Variants in CCDC33 observed in about 807,000 individuals in gnomAD.
CCDC33 encodes coiled-coil domain containing 33.
CCDC33 carries 94 observed loss-of-function variants against 91.9 expected under a neutral mutation model. The ratio of observed to expected loss-of-function variants is 1.02; its 90% CI spans 0.87 to 1.21. The LOEUF (loss-of-function observed/expected upper bound fraction) is 1.21, where lower values mean the gene tolerates loss of function less well. CCDC33 is among the 50% of genes most tolerant of loss of function. The pLI, the probability that CCDC33 is intolerant of heterozygous loss-of-function variation, is 0.00. For synonymous variants in CCDC33, 396 were observed against 374.5 expected (o/e 1.06, Z -0.66); for missense variants, 940 against 935.5 (o/e 1.00, Z -0.06).
chr15:74,245,927 G>A (rs2142283146), intron 2 of CCDC33, among the ~76,000 whole-genome samples: 1 of 152,306 alleles, frequency 6.6e-6, no homozygotes, highest in Admixed American at 6.5e-5. Flanking sequence ...GGAGAAGGAA[G>A]GGCTTCTGAG....
chr15:74,213,744 C>G (rs962152659), upstream of CCDC33, among the ~76,000 whole-genome samples: 41 of 152,154 alleles, frequency 2.7e-4, no homozygotes, highest in African/African-American at 9.4e-4. Flanking sequence ...GCCTCTGGCA[C>G]TGTGGACTTG....
intron 2 of CCDC33, among the ~76,000 whole-genome samples, chr15:74,224,089 C>G (rs1368365284): frequency 6.6e-6 from 1 of 152,212 alleles, no homozygotes; most frequent in Non-Finnish European, 1.5e-5. Flanking sequence ...TCATGGCGTT[C>G]TCAGAGAATG....
At chr15:74,234,993 G>A (rs1398546828), upstream of CCDC33, among the ~76,000 whole-genome samples, 1 of 152,238 alleles carries the variant, frequency 6.6e-6, no homozygotes, top group East Asian at 1.9e-4. Context: ...CCTAGACTAA[G>A]CAGGCCTGAG....
chr15:74,215,350 A>G (rs1385742249), upstream of CCDC33, among the ~76,000 whole-genome samples: 1 of 152,244 alleles, frequency 6.6e-6, no homozygotes, highest in African/African-American at 2.4e-5. Context: ...GACGGAAAGT[A>G]GAATGGTGGT....
At chr15:74,277,351 G>A (rs796526844) in intron 7 of CCDC33, among the ~76,000 whole-genome samples, 28 of 152,352 alleles carry the variant, frequency 1.8e-4, no homozygotes, top group African/African-American at 6.7e-4. Flanking sequence ...CGGCCACTAT[G>A]CCTGGGCAGA....
intron 2 of CCDC33, among the ~76,000 whole-genome samples, chr15:74,222,461 A>G (rs1054287444): frequency 1.3e-5 from 2 of 151,496 alleles, no homozygotes; most frequent in African/African-American, 4.9e-5. Context: ...GTTTTGTTTC[A>G]TAGAAACGAT....
At position 74,336,086 on chromosome 15, in the gene CCDC33, G is replaced by C; in HGVS notation, c.*33G>C. 2.5e-6 allele frequency: 4 copies of C among 1,607,006 alleles called. No homozygotes were observed. The highest frequency in any genetic ancestry group is 3.4e-6 in the Non-Finnish European group (4 of 1,176,580). On this transcript the variant is annotated 3_prime_UTR_variant, in exon 19 of 19. Transcript: ENST00000398814. Reference sequence around the variant, plus strand: ...AGCAGGCCTCCTTCCCTGTGTGCTGGGGAGTCTCATCACCGCCCCCTAAAA... The same window carrying C: ...AGCAGGCCTCCTTCCCTGTGTGCTGCGGAGTCTCATCACCGCCCCCTAAAA...
intron 11 of CCDC33, among the ~76,000 whole-genome samples, chr15:74,310,342 T>C (rs2059968360): frequency 6.6e-6 from 1 of 151,818 alleles, no homozygotes; most frequent in Admixed American, 6.6e-5. Flanking sequence ...ATTGAGACCA[T>C]CCTGAACAAC....
chr15:74,253,893 A>T (rs1263846144), intron 2 of CCDC33, among the ~76,000 whole-genome samples: 1 of 151,994 alleles, frequency 6.6e-6, no homozygotes, highest in Non-Finnish European at 1.5e-5. Flanking sequence ...GGTTTTTTTA[A>T]TGTGTAGAGA....
rs776717767 is a variant in CCDC33 at position 74,244,173 on chromosome 15, G to C, written c.185+25G>C. ...TGTAAGTAGCTGCGTGAGAGTGGGG[G>C]CAGGGGATGGGTTGGGCTGTGAGCA... On this transcript the variant is annotated intron_variant, in intron 2 of 18. Coordinates refer to ENST00000398814, the MANE Select transcript of CCDC33 (RefSeq NM_025055.5). The surrounding 1 kb of genome is among the most constrained non-coding windows in gnomAD (Gnocchi z 4.2). 1.9e-6 allele frequency: 3 copies of C among 1,596,850 alleles called. No homozygotes were observed. The highest frequency in any genetic ancestry group is 1.7e-6 in the Non-Finnish European group (2 of 1,169,256).
chr15:74,294,746 C>CAAAA (rs57792647), intron 10 of CCDC33, among the ~76,000 whole-genome samples: 3 of 127,410 alleles, frequency 2.4e-5, no homozygotes, highest in African/African-American at 3.4e-5. Context: ...GACTCTGTCT[C>CAAAA]AAAAAAAAAA....
chr15:74,274,519 A>G (rs2076401599), intron 7 of CCDC33, among the ~76,000 whole-genome samples: 1 of 152,236 alleles, frequency 6.6e-6, no homozygotes, highest in Admixed American at 6.5e-5. Flanking sequence ...CATTTGAAGA[A>G]GGCTCAGACA....
chr15:74,209,741 G>A, intron 2 of CCDC33: 1 of 385,294 alleles, frequency 2.6e-6, no homozygotes, highest in Non-Finnish European at 4.7e-6. Context: ...TTCCTAGAGG[G>A]GGTATCCTGC....
chr15:74,254,536 A>C (rs61503822), intron 2 of CCDC33, among the ~76,000 whole-genome samples: 11,218 of 152,160 alleles, frequency 0.074, 1,395 homozygotes, highest in African/African-American at 0.26. Flanking sequence ...GTGACCTCCC[A>C]ATGGCTGTGC....
intron 11 of CCDC33, chr15:74,302,043 C>T (rs947818989): frequency 1.3e-5 from 2 of 152,176 alleles, no homozygotes; most frequent in African/African-American, 2.4e-5. Flanking sequence ...AACCTCCTTA[C>T]ACTGGAATAA....
intron 11 of CCDC33, among the ~76,000 whole-genome samples, chr15:74,323,670 G>A (rs2060249942): frequency 6.6e-6 from 1 of 152,092 alleles, no homozygotes; most frequent in East Asian, 1.9e-4. Context: ...TGGGATTACA[G>A]GCACCCGCCA....
At chr15:74,335,565 C>G in intron 18 of CCDC33, 1 of 341,226 alleles carries the variant, frequency 2.9e-6, no homozygotes, top group Non-Finnish European at 5.4e-6. Flanking sequence ...AACTGCCCCT[C>G]AAGTTCAACC....
intron 2 of CCDC33, among the ~76,000 whole-genome samples, chr15:74,255,525 T>C (rs1182559672): frequency 6.6e-6 from 1 of 152,244 alleles, no homozygotes; most frequent in African/African-American, 2.4e-5. Flanking sequence ...CTAGTGGGCA[T>C]GGCCCCCTCC....
chr15:74,276,373 A>G (rs574902584), intron 7 of CCDC33, among the ~76,000 whole-genome samples: 14 of 152,302 alleles, frequency 9.2e-5, no homozygotes, highest in African/African-American at 3.1e-4. Context: ...GAAGGGGCCC[A>G]TTGCCCAACA....
Sources: gnomAD v4.1 joint callset for allele counts (sites outside exome capture counted in the v4.1 genomes callset) on GRCh38, gnomAD v4.1.1 for gene constraint, Gnocchi (gnomAD v3.1) non-coding constraint, MANE v1.5 for transcripts, NCBI Gene and HGNC (gene_info 2026-07-23, HGNC 2026-07-21) for gene names.